ZNF486: variants seen among roughly 807,000 people sequenced by gnomAD.
ZNF486 encodes zinc finger protein 486, also known as KRAB box only protein 2.
A neutral mutation model predicts 12.8 loss-of-function variants in ZNF486; 12 were observed. The ratio of observed to expected loss-of-function variants is 0.94; its 90% CI spans 0.60 to 1.52. The LOEUF is 1.52. Among genes scored for constraint, ZNF486 ranks in the 40% most tolerant of loss-of-function variants. The pLI is 0.00. For missense variants in ZNF486, 738 were observed against 545.0 expected (o/e 1.35, Z -3.53); for synonymous variants, 231 against 184.9 (o/e 1.25, Z -2.02).
Position 20,197,057 on chromosome 19 carries a change from G to A in ZNF486, c.347G>A (p.Gly116Glu). The change falls in exon 4 of 4, where the codon GGA becomes GAA. Residue 116 changes from glycine (G) to glutamate (E), a missense_variant. Coordinates refer to ENST00000335117, the MANE Select transcript of ZNF486 (RefSeq NM_052852.4). ...ATACTGAGAAAATTTGAAAAATGTGGACATGGCAATTTACACTTTAAAAAA... is the reference window on the plus strand; with the variant it reads ...ATACTGAGAAAATTTGAAAAATGTGAACATGGCAATTTACACTTTAAAAAA... Reference protein sequence around the residue: ...KVILRKFEKCGHGNLHFKKGC... With the variant: ...KVILRKFEKCEHGNLHFKKGC... 1 of 1,612,332 alleles carries A rather than the reference G, an allele frequency of 6.2e-7. No individual in the cohort carries two copies. The highest frequency in any genetic ancestry group is 1.7e-5 in the Admixed American group (1 of 59,542).
At position 20,200,174 on chromosome 19, in the gene ZNF486, TTATTGTATTCA is replaced by T. The variant is rs1568330365; in HGVS notation, c.*2073_*2083del. On this transcript the variant is annotated 3_prime_UTR_variant, in exon 4 of 4. Transcript: ENST00000335117. ...ATTACTTTATGCTGTTATTTTATTC[TTATTGTATTCA>T]CATGTGAAAGCATGTGATCAATTTT... The T allele has an allele frequency of 1.3e-5, 2 of 152,212 alleles. No homozygotes were observed. The highest frequency in any genetic ancestry group is 4.8e-5 in the African/African-American group (2 of 41,466). The allele number at this position is 152,212 out of a possible 1,614,324, so 9.4% of individuals were successfully genotyped here.
At chr19:20,190,813 T>A (rs999215233) in intron 3 of ZNF486, among the ~76,000 whole-genome samples, 10 of 152,228 alleles carry the variant, frequency 6.6e-5, no homozygotes, top group Non-Finnish European at 1.5e-4. Flanking sequence ...CTAGTTGGTC[T>A]ATAATATGGT....
At chr19:20,189,898 T>C (rs1420474907) in intron 3 of ZNF486, among the ~76,000 whole-genome samples, 1 of 152,214 alleles carries the variant, frequency 6.6e-6, no homozygotes, top group Non-Finnish European at 1.5e-5. Flanking sequence ...GCAAGACCAA[T>C]GTAATGTCCT....
chr19:20,189,649 T>A lies in ZNF486; in HGVS notation c.253+3567T>A, dbSNP rs551619819. On this transcript the variant is annotated intron_variant, in intron 3 of 3. Transcript: ENST00000335117. The stretch of plus-strand genomic sequence containing the variant: ...ATTTGTGTAGTTTTTTGATGAAAAA[T>A]CTTTTTGTTCATTTTTAAATCAAGT... Among the ~76,000 whole-genome samples the A allele has an allele frequency of 2.7e-3, 409 of 152,272 alleles. 2 individuals are homozygous for A. The highest frequency in any genetic ancestry group is 9.3e-3 in the African/African-American group (387 of 41,554).
At chr19:20,181,358 T>C (rs143185111) in intron 1 of ZNF486, among the ~76,000 whole-genome samples, 2 of 152,000 alleles carry the variant, frequency 1.3e-5, no homozygotes, top group Non-Finnish European at 2.9e-5. Flanking sequence ...GCTAACACGG[T>C]GAAACCCCAC....
chr19:20,174,309 C>G (rs1342502005), intron 1 of ZNF486, among the ~76,000 whole-genome samples: 1 of 152,130 alleles, frequency 6.6e-6, no homozygotes, highest in Non-Finnish European at 1.5e-5. Context: ...TTTATTACTT[C>G]AGAATAATTA....
rs575001176 is a variant in ZNF486, at chr19:20,197,791, C to G, written c.1081C>G (p.Arg361Gly). The change falls in exon 4 of 4, where the codon CGC becomes GGC. Residue 361 changes from arginine to glycine, a missense_variant. By Grantham distance (125) the Arg-to-Gly change is moderately radical. Coordinates refer to ENST00000335117, the MANE Select transcript of ZNF486 (RefSeq NM_052852.4). Reference protein sequence around the residue: ...KCEECGKAFTRSSHLTMHKII... With the variant: ...KCEECGKAFTGSSHLTMHKII... ...TGAAGAATGTGGCAAAGCCTTCACC[C>G]GCTCCTCACACCTTACTATGCATAA... 6.2e-7 allele frequency: 1 copy of G among 1,611,984 alleles called. No individual in the cohort carries two copies. Among genetic ancestry groups the G allele is most frequent in the East Asian group, 2.2e-5 (1 of 44,754 alleles).
chr19:20,197,638 T>G lies in ZNF486; in HGVS notation c.928T>G (p.Ser310Ala). ...DKAFNHPATL[S>A]SHKKIHTGEK... The stretch of plus-strand genomic sequence containing the variant: ...AGCTTTTAACCATCCTGCAACTCTT[T>G]CTTCACATAAGAAAATTCATACTGG... The change falls in exon 4 of 4, where the codon TCT (serine) becomes GCT (alanine). Residue 310 changes from serine to alanine, a missense_variant. Coordinates refer to ENST00000335117, the MANE Select transcript of ZNF486 (RefSeq NM_052852.4). 3 of 1,613,340 alleles carry G rather than the reference T, an allele frequency of 1.9e-6. No individual in the cohort carries two copies. Among genetic ancestry groups the G allele is most frequent in the Non-Finnish European group, 2.5e-6 (3 of 1,179,682 alleles).
chr19:20,192,776 A>C (rs1271153978), intron 3 of ZNF486, among the ~76,000 whole-genome samples: 1 of 152,170 alleles, frequency 6.6e-6, no homozygotes, highest in East Asian at 1.9e-4. Context: ...TTTTTTGTAG[A>C]GACAGAGTTT....
Position 20,198,063 on chromosome 19 carries a change from A to G in ZNF486, c.1353A>G (p.Lys451=). The part of the protein sequence containing the change: ...KAFNWSSDLN[K]HKRIHIGQKP... ...TTAACTGGTCCTCAGACCTTAATAA[A>G]CATAAGAGAATTCATATTGGACAGA... The change falls in exon 4 of 4, where the codon AAA becomes AAG. Residue 451 remains lysine (K), a synonymous_variant. Transcript: ENST00000335117. 1 of 1,607,224 alleles carries G rather than the reference A, an allele frequency of 6.2e-7. No homozygotes were observed. Among genetic ancestry groups the G allele is most frequent in the Non-Finnish European group, 8.5e-7 (1 of 1,176,476 alleles).
intron 3 of ZNF486, among the ~76,000 whole-genome samples, chr19:20,189,076 G>T (rs1266682379): frequency 6.6e-6 from 1 of 151,978 alleles, no homozygotes; most frequent in Non-Finnish European, 1.5e-5. Flanking sequence ...GTCCTGTGTT[G>T]CTTTTCTTTT....
intron 1 of ZNF486, among the ~76,000 whole-genome samples, chr19:20,168,713 G>A (rs1423384456): frequency 6.6e-6 from 1 of 152,004 alleles, no homozygotes; most frequent in Non-Finnish European, 1.5e-5. Flanking sequence ...CACTGTTTGA[G>A]TAATTTCACT....
chr19:20,179,784 G>A (rs782252882), intron 1 of ZNF486, among the ~76,000 whole-genome samples: 7 of 152,164 alleles, frequency 4.6e-5, no homozygotes, highest in African/African-American at 1.2e-4. Context: ...TTGTTCATTG[G>A]CCTGCTACAG....
At chr19:20,168,989 C>T (rs1156506232) in intron 1 of ZNF486, among the ~76,000 whole-genome samples, 1 of 152,052 alleles carries the variant, frequency 6.6e-6, no homozygotes, top group Non-Finnish European at 1.5e-5. Flanking sequence ...TACAGGCACT[C>T]GCCACCACGC....
rs377636479 is a variant in ZNF486 at position 20,183,911 on chromosome 19, T to C, written c.31-445T>C. ...CATTATTGGTGAGCTTGTTAGAAATTCAAAAAATCAGACTTTATGCCAGAT... is the reference window on the plus strand; with the variant it reads ...CATTATTGGTGAGCTTGTTAGAAATCCAAAAAATCAGACTTTATGCCAGAT... On this transcript the variant is annotated intron_variant, in intron 1 of 3. Transcript: ENST00000335117. 1.5e-3 allele frequency among the ~76,000 whole-genome samples: 223 copies of C among 151,554 alleles called. 1 individual carries two copies. Among genetic ancestry groups the C allele is most frequent in the African/African-American group, 5.2e-3 (215 of 41,284 alleles).
Position 20,167,347 on chromosome 19 carries a change from G to C in ZNF486, c.17G>C (p.Arg6Thr), listed in dbSNP as rs191140039. 33 of 1,613,974 alleles carry C rather than the reference G, an allele frequency of 2.0e-5. No homozygotes were observed. In the African/African-American group the frequency reaches 3.5e-4, roughly 17 times the overall value. ...ACAGCCAAGATGCCGGGACCCCTTA[G>C]AAGCCTAGAAATGGTGAGAGTGCCC... The part of the protein sequence containing the change: MPGPL[R>T]SLEMESLQFR... Residue 6 changes from arginine to threonine, a missense_variant, in exon 1 of 4, where the codon AGA becomes ACA. Coordinates refer to ENST00000335117, the MANE Select transcript of ZNF486 (RefSeq NM_052852.4).
Position 20,197,370 on chromosome 19 carries a change from C to T in ZNF486, c.660C>T (p.Asn220=). The T allele has an allele frequency of 6.2e-7, 1 of 1,611,990 alleles. No individual in the cohort carries two copies. The highest frequency in any genetic ancestry group is 8.5e-7 in the Non-Finnish European group (1 of 1,179,154). Residue 220 remains asparagine, a synonymous_variant, in exon 4 of 4, where the codon AAC becomes AAT. Coordinates refer to ENST00000335117, the MANE Select transcript of ZNF486 (RefSeq NM_052852.4). ...GTGAAGAATGTGGCAAAGCCTTCAA[C>T]CGGTCCTCACACCTTACTACACATA... ...YKCEECGKAF[N]RSSHLTTHKI... is the part of the protein sequence containing the mutation.
At position 20,186,041 on chromosome 19, in the gene ZNF486, C is replaced by A; in HGVS notation, c.212C>A (p.Pro71His). The part of the protein sequence containing the change: ...LITCLEQGIK[P>H]LTMKRHEMIA... ...ACCTGTCTGGAGCAAGGAATAAAAC[C>A]TCTGACTATGAAGAGACATGAGATG... is the stretch of plus-strand genomic sequence containing the variant. The change falls in exon 3 of 4, where the codon CCT becomes CAT. Residue 71 changes from proline (P) to histidine (H), a missense_variant. Physicochemically the swap from Pro to His is moderately conservative, Grantham distance 77 (BLOSUM62 -2). Transcript: ENST00000335117. 1 of 1,594,082 alleles carries A rather than the reference C, an allele frequency of 6.3e-7. No individual in the cohort carries two copies. The highest frequency in any genetic ancestry group is 8.5e-7 in the Non-Finnish European group (1 of 1,172,016).
intron 1 of ZNF486, among the ~76,000 whole-genome samples, chr19:20,182,192 A>T (rs1300055970): frequency 6.6e-6 from 1 of 152,206 alleles, no homozygotes; most frequent in African/African-American, 2.4e-5. Flanking sequence ...ACTAATGCTA[A>T]TAATGAGCCA....
Sources: allele counts gnomAD v4.1 joint callset (sites outside exome capture counted in the v4.1 genomes callset), GRCh38; gene constraint gnomAD v4.1.1; transcripts MANE v1.5; gene names NCBI Gene and HGNC (gene_info 2026-07-23, HGNC 2026-07-21).